ZNF714: variants seen among roughly 807,000 people sequenced by gnomAD.
ZNF714 encodes the protein zinc finger protein 714.
In ZNF714, 32 loss-of-function variants were observed where a neutral mutation model predicts 46.2. The ratio of observed to expected loss-of-function variants is 0.69; its 90% confidence interval spans 0.52 to 0.93. The LOEUF (loss-of-function observed/expected upper bound fraction) is 0.93. Ranked by LOEUF, ZNF714 falls within the 40% of genes least tolerant of loss-of-function variation. The pLI is 0.00. For synonymous variants in ZNF714, 199 were observed against 213.1 expected (o/e 0.93, Z 0.58); for missense variants, 635 against 646.3 (o/e 0.98, Z 0.19).
At position 21,088,375 on chromosome 19, in the gene ZNF714, A is replaced by G. The variant is rs568980078; in HGVS notation, c.-85+4306A>G. Reference sequence around the variant, plus strand: ...AATCTCTTTTCTTTATAACCTTTGTATATTTAGGGGGCATGGCTAATTCCA... The same window carrying G: ...AATCTCTTTTCTTTATAACCTTTGTGTATTTAGGGGGCATGGCTAATTCCA... On this transcript the variant is annotated intron_variant, in intron 2 of 4. Coordinates refer to ENST00000456283, the MANE Select transcript of ZNF714 (RefSeq NM_182515.4). Among the ~76,000 whole-genome samples the G allele has an allele frequency of 3.8e-4, 58 of 152,220 alleles. No homozygotes were observed. The South Asian group carries it at 0.012, about 32-fold the overall frequency.
At chr19:21,108,038 C>G (rs1969364099) in intron 4 of ZNF714, among the ~76,000 whole-genome samples, 1 of 152,166 alleles carries the variant, frequency 6.6e-6, no homozygotes, top group South Asian at 2.1e-4. Flanking sequence ...ATCTTTCCAC[C>G]TCAGCCTCCT....
chr19:21,111,104 G>GT (rs1230535153), intron 4 of ZNF714, among the ~76,000 whole-genome samples: 2 of 152,054 alleles, frequency 1.3e-5, no homozygotes, highest in East Asian at 1.9e-4. Context: ...TTTTAAAATA[G>GT]TTTTTTTCTA....
chr19:21,111,877 TTA>T (rs1265297576), intron 4 of ZNF714, among the ~76,000 whole-genome samples: 1 of 152,186 alleles, frequency 6.6e-6, no homozygotes, highest in African/African-American at 2.4e-5. Flanking sequence ...ATGTGATGAA[TTA>T]TGTTTATCGA....
rs1788553419 is a variant in ZNF714 at position 21,122,205 on chromosome 19, T to C, written c.*3873T>C. Reference sequence around the variant, plus strand: ...AGCAAACATACATTACAGTTCTTACTGTGTAATCGATGCTCCATAATAATT... The same window carrying C: ...AGCAAACATACATTACAGTTCTTACCGTGTAATCGATGCTCCATAATAATT... On this transcript the variant is annotated 3_prime_UTR_variant, in exon 5 of 5. Coordinates refer to ENST00000456283, the MANE Select transcript of ZNF714 (RefSeq NM_182515.4). 1 of 152,252 alleles carries C rather than the reference T, an allele frequency of 6.6e-6. No homozygotes were observed. Among genetic ancestry groups the C allele is most frequent in the Non-Finnish European group, 1.5e-5 (1 of 68,050 alleles). 9.4% of individuals were successfully genotyped at this position (152,252 alleles called of 1,614,324 possible). A position where few individuals can be genotyped will look rare whatever the true frequency, so the allele number is the denominator to read the frequency against.
rs565526348 is a variant in ZNF714 at position 21,098,813 on chromosome 19, A to G, written c.45A>G (p.Ala15=). ...TTATGCTATTTACTTTTAATAAAGC[A>G]GGTATTGCTGTCTCTAAGCAAGACC... is the stretch of plus-strand genomic sequence containing the variant. ...LENYKNLVFL[A]GIAVSKQDPI... The change falls in exon 4 of 5, where the codon GCA becomes GCG. Residue 15 remains alanine, a splice_region_variant and synonymous_variant. Transcript: ENST00000456283. 6.2e-7 allele frequency: 1 copy of G among 1,603,536 alleles called. No individual in the cohort carries two copies. Among genetic ancestry groups the G allele is most frequent in the Non-Finnish European group, 8.5e-7 (1 of 1,173,978 alleles).
intron 4 of ZNF714, among the ~76,000 whole-genome samples, chr19:21,110,858 C>A (rs1969435130): frequency 6.6e-6 from 1 of 152,122 alleles, no homozygotes; most frequent in African/African-American, 2.4e-5. Context: ...TTTCCCATTT[C>A]TTGTTTTTGT....
chr19:21,092,802 T>C (rs1443265549), intron 2 of ZNF714, among the ~76,000 whole-genome samples: 2 of 152,170 alleles, frequency 1.3e-5, no homozygotes, highest in Non-Finnish European at 2.9e-5. Context: ...TTCTTATTAT[T>C]TAGCTCTTAT....
intron 4 of ZNF714, among the ~76,000 whole-genome samples, chr19:21,113,698 C>T (rs765603428): frequency 2.2e-4 from 33 of 151,820 alleles, no homozygotes; most frequent in Admixed American, 6.6e-4. Flanking sequence ...TTAGTACAGA[C>T]GGGGTTTCTC....
chr19:21,083,596 T>C (rs1444481010), intron 1 of ZNF714, among the ~76,000 whole-genome samples: 1 of 152,208 alleles, frequency 6.6e-6, no homozygotes, highest in East Asian at 1.9e-4. Context: ...CACCTGTTTG[T>C]CTTTTAGTGT....
At chr19:21,095,555 C>T (rs917265170) in intron 2 of ZNF714, among the ~76,000 whole-genome samples, 12 of 152,008 alleles carry the variant, frequency 7.9e-5, no homozygotes, top group Middle Eastern at 3.4e-3. Flanking sequence ...CTCCGTGTCC[C>T]GGGTTCACGC....
chr19:21,083,263 G>A (rs1277437523), intron 1 of ZNF714, among the ~76,000 whole-genome samples: 5 of 152,120 alleles, frequency 3.3e-5, no homozygotes, highest in African/African-American at 1.2e-4. Context: ...TCGAACTCCC[G>A]ACCTCAGGTG....
intron 4 of ZNF714, among the ~76,000 whole-genome samples, chr19:21,105,081 A>G (rs188663291): frequency 1.7e-3 from 238 of 144,216 alleles, no homozygotes; most frequent in African/African-American, 5.9e-3. Context: ...CTGGGGTGCA[A>G]TCGTGTGATC....
intron 2 of ZNF714, among the ~76,000 whole-genome samples, chr19:21,093,548 G>GT (rs1968971906): frequency 1.3e-5 from 2 of 151,526 alleles, no homozygotes; most frequent in African/African-American, 4.8e-5. Flanking sequence ...TTTTGTTTTT[G>GT]TTTTTTTGTT....
chr19:21,120,370 A>C lies in ZNF714; in HGVS notation c.*2038A>C, dbSNP rs1156896238. The C allele has an allele frequency of 6.6e-6, 1 of 152,096 alleles. No individual in the cohort carries two copies. The highest frequency in any genetic ancestry group is 1.5e-5 in the Non-Finnish European group (1 of 67,988). The allele number at this position is 152,096 out of a possible 1,614,324, so 9.4% of individuals were successfully genotyped here. ...GATTCTTTTTTATTAGGTGGGCATTATTTGTGATCTTTTCTATTGAAAAGT... is the reference window on the plus strand; with the variant it reads ...GATTCTTTTTTATTAGGTGGGCATTCTTTGTGATCTTTTCTATTGAAAAGT... On this transcript the variant is annotated 3_prime_UTR_variant, in exon 5 of 5. Coordinates refer to ENST00000456283, the MANE Select transcript of ZNF714 (RefSeq NM_182515.4).
In ZNF714 at chr19:21,124,057, C is replaced by T. The variant is rs1327917118; in HGVS notation, c.*5725C>T. 1.3e-5 allele frequency: 2 copies of T among 152,160 alleles called. No homozygotes were observed. The highest frequency in any genetic ancestry group is 2.9e-5 in the Non-Finnish European group (2 of 68,040). 9.4% of individuals were successfully genotyped at this position (152,160 alleles called of 1,614,324 possible). A position where few individuals can be genotyped will look rare whatever the true frequency, so the allele number is the denominator to read the frequency against. On this transcript the variant is annotated 3_prime_UTR_variant, in exon 5 of 5. Transcript: ENST00000456283. ...CCCTTTAGTGGCTTTCATACCATTA[C>T]CACCAGTACCAGAAACTCCAGGTGG...
chr19:21,107,486 A>G (rs6511190), intron 4 of ZNF714, among the ~76,000 whole-genome samples: 124,156 of 151,690 alleles, frequency 0.82, 52,870 homozygotes, highest in Middle Eastern at 0.93. Flanking sequence ...TGATCCGCCC[A>G]CCTTGGCCTC....
chr19:21,086,212 A>G (rs1179040896), intron 2 of ZNF714, among the ~76,000 whole-genome samples: 1 of 152,176 alleles, frequency 6.6e-6, no homozygotes, highest in Admixed American at 6.6e-5. Flanking sequence ...GAATCTTTTA[A>G]TGGGAAAAAG....
intron 4 of ZNF714, among the ~76,000 whole-genome samples, chr19:21,114,239 C>G (rs543961811): frequency 6.6e-6 from 1 of 151,890 alleles, no homozygotes; most frequent in Admixed American, 6.6e-5. Context: ...GAGATCGAGA[C>G]CATCCTAGCT....
chr19:21,119,042 C>G lies in ZNF714; in HGVS notation c.*710C>G. 1 of 409,438 alleles carries G rather than the reference C, an allele frequency of 2.4e-6. No individual in the cohort carries two copies. The highest frequency in any genetic ancestry group is 4.8e-6 in the Non-Finnish European group (1 of 210,266). 25.4% of individuals were successfully genotyped at this position (409,438 alleles called of 1,614,324 possible). A position where few individuals can be genotyped will look rare whatever the true frequency, so the allele number is the denominator to read the frequency against. On this transcript the variant is annotated 3_prime_UTR_variant, in exon 5 of 5. Coordinates refer to ENST00000456283, the MANE Select transcript of ZNF714 (RefSeq NM_182515.4). ...AAGCCATTAATATATGTTCATATCT[C>G]AACACCAGATAGTTCATACTTAATA...
Sources: allele counts gnomAD v4.1 joint callset (sites outside exome capture counted in the v4.1 genomes callset), GRCh38; gene constraint gnomAD v4.1.1; transcripts MANE v1.5; gene names NCBI Gene and HGNC (gene_info 2026-07-23, HGNC 2026-07-21).